ARID5B: variants seen among roughly 807,000 people sequenced by gnomAD.
ARID5B encodes AT-rich interaction domain 5B, also known as AT-rich interactive domain-containing protein 5B.
In ARID5B, 13 loss-of-function variants were observed where a neutral mutation model predicts 97.2. The ratio of observed to expected loss-of-function variants is 0.13; its 90% CI spans 0.09 to 0.21. ARID5B has a LOEUF of 0.21. ARID5B is among the 10% of genes least tolerant of loss of function. The pLI is 1.00. For synonymous variants in ARID5B, 556 were observed against 570.3 expected, an observed-to-expected ratio of 0.97 and a Z score of 0.36; for missense variants, 1,210 against 1,465.3, an observed-to-expected ratio of 0.83 and a Z score of 2.84.
chr10:61,920,761 C>T (rs1172192144), intron 2 of ARID5B, among the ~76,000 whole-genome samples: 1 of 151,994 alleles, frequency 6.6e-6, no homozygotes, highest in African/African-American at 2.4e-5. Context: ...CAATTAAATT[C>T]AATCAATATT....
At position 62,093,994 on chromosome 10, in the gene ARID5B, T is replaced by C. The variant is rs998352844; in HGVS notation, c.*964T>C. 8.6e-6 allele frequency: 2 copies of C among 233,570 alleles called. No homozygotes were observed. The highest frequency in any genetic ancestry group is 1.7e-5 in the Non-Finnish European group (2 of 118,044). The allele number at this position is 233,570 out of a possible 1,614,324, so 14.5% of individuals were successfully genotyped here. Reference sequence around the variant, plus strand: ...AGCCAAATGCTTTGCTTTGAAGTATTGGGTTCTGTGAAAATATTGAGCATT... The same window carrying C: ...AGCCAAATGCTTTGCTTTGAAGTATCGGGTTCTGTGAAAATATTGAGCATT... On this transcript the variant is annotated 3_prime_UTR_variant, in exon 10 of 10. Transcript: ENST00000279873.
In ARID5B at chr10:61,996,477, C is replaced by A. The variant is rs575783831; in HGVS notation, c.503-3614C>A. Among the ~76,000 whole-genome samples the A allele has an allele frequency of 2.8e-4, 42 of 152,060 alleles. No individual in the cohort carries two copies. The South Asian group carries it at 5.4e-3, about 20-fold the overall frequency. ...GGCAGAGGTAGGAGGATTGCTTGGGCCCAGGAGTTTTGGGTCCAGCCTGAA... is the reference window on the plus strand; with the variant it reads ...GGCAGAGGTAGGAGGATTGCTTGGGACCAGGAGTTTTGGGTCCAGCCTGAA... On this transcript the variant is annotated intron_variant, in intron 3 of 9. Transcript: ENST00000279873.
chr10:62,082,172 A>C (rs1445765953), intron 8 of ARID5B, among the ~76,000 whole-genome samples: 1 of 152,200 alleles, frequency 6.6e-6, no homozygotes, highest in African/African-American at 2.4e-5. Context: ...ATGCTGCTAC[A>C]AATCTTATGC....
chr10:61,975,714 C>T (rs1038789662), intron 3 of ARID5B, among the ~76,000 whole-genome samples: 5 of 152,172 alleles, frequency 3.3e-5, no homozygotes, highest in East Asian at 1.9e-4. Context: ...CATTGCATTA[C>T]TCTTACACTG....
At chr10:61,963,331 AG>A (rs1306133745) in intron 3 of ARID5B, among the ~76,000 whole-genome samples, 9 of 152,136 alleles carry the variant, frequency 5.9e-5, no homozygotes, top group Non-Finnish European at 1.5e-5. Context: ...GATTCTAAAA[AG>A]GAAAACATTA....
intron 3 of ARID5B, among the ~76,000 whole-genome samples, chr10:61,996,863 A>C (rs1220059970): frequency 6.7e-6 from 1 of 149,484 alleles, no homozygotes; most frequent in African/African-American, 2.5e-5. Flanking sequence ...AGAAATAAGA[A>C]TTTTTTAAAA....
At chr10:61,938,884 A>G (rs1589226744) in intron 2 of ARID5B, among the ~76,000 whole-genome samples, 2 of 35,318 alleles carry the variant, frequency 5.7e-5, no homozygotes, top group African/African-American at 1.3e-4. Flanking sequence ...AAAACATCAG[A>G]AAAAAAAAAA....
Position 61,925,792 on chromosome 10 carries a change from A to C in ARID5B, c.277-14391A>C, listed in dbSNP as rs559809771. 5.3e-5 allele frequency among the ~76,000 whole-genome samples: 8 copies of C among 152,310 alleles called. No homozygotes were observed. In the South Asian group the frequency reaches 1.7e-3, roughly 32 times the overall value. ...AGTGTGTATTAAAAATGTATTTAGGAACATAAAATATTTAGGATTTTTGAA... is the reference window on the plus strand; with the variant it reads ...AGTGTGTATTAAAAATGTATTTAGGCACATAAAATATTTAGGATTTTTGAA... On this transcript the variant is annotated intron_variant, in intron 2 of 9. Coordinates refer to ENST00000279873, the MANE Select transcript of ARID5B (RefSeq NM_032199.3).
intron 2 of ARID5B, among the ~76,000 whole-genome samples, chr10:61,930,699 G>A (rs913502250): frequency 1.1e-4 from 15 of 130,658 alleles, no homozygotes; most frequent in Admixed American, 7.7e-4. Context: ...CAGCCTGGGC[G>A]ACAGAGCGAG....
intron 3 of ARID5B, among the ~76,000 whole-genome samples, chr10:61,967,601 A>T (rs1247672424): frequency 6.6e-6 from 1 of 152,218 alleles, no homozygotes; most frequent in African/African-American, 2.4e-5. Context: ...TGACAAGTGG[A>T]GCTGGTTGAT....
chr10:61,943,877 T>TA (rs1431158548), intron 3 of ARID5B, among the ~76,000 whole-genome samples: 2 of 152,174 alleles, frequency 1.3e-5, no homozygotes, highest in South Asian at 2.1e-4. Context: ...ATTTTTTTTT[T>TA]ATCCCCTTCC....
At position 62,081,639 on chromosome 10, in the gene ARID5B, G is replaced by T. The variant is rs189728607; in HGVS notation, c.1200-4063G>T. Among the ~76,000 whole-genome samples the T allele has an allele frequency of 5.8e-3, 886 of 152,300 alleles. 7 individuals are homozygous for T. The highest frequency in any genetic ancestry group is 9.3e-3 in the Non-Finnish European group (631 of 68,020). On this transcript the variant is annotated intron_variant, in intron 8 of 9. Transcript: ENST00000279873. ...CTGCTGGTTTTTGTTGAGAAAGAGA[G>T]GCAAGGCCCTGGAGGATTTTAGACT...
chr10:61,924,555 G>A (rs891996081), intron 2 of ARID5B, among the ~76,000 whole-genome samples: 2 of 152,138 alleles, frequency 1.3e-5, no homozygotes, highest in African/African-American at 4.8e-5. Context: ...GTACATGTGA[G>A]GATAATAATG....
chr10:61,996,692 T>TA (rs1669619100), intron 3 of ARID5B, among the ~76,000 whole-genome samples: 1 of 152,130 alleles, frequency 6.6e-6, no homozygotes, highest in South Asian at 2.1e-4. Context: ...ATAGCATTAA[T>TA]ACTTGCTTTC....
intron 2 of ARID5B, among the ~76,000 whole-genome samples, chr10:61,927,118 G>C (rs2132778416): frequency 6.6e-6 from 1 of 152,250 alleles, no homozygotes; most frequent in East Asian, 1.9e-4. Context: ...AACATGCACA[G>C]TTACCCACAA....
At chr10:62,027,989 G>A (rs890120135) in intron 4 of ARID5B, among the ~76,000 whole-genome samples, 4 of 152,144 alleles carry the variant, frequency 2.6e-5, no homozygotes, top group African/African-American at 7.2e-5. Flanking sequence ...TCCTGGAAAC[G>A]CCTTGTCCCT....
chr10:62,028,078 C>T (rs1839445206), intron 4 of ARID5B, among the ~76,000 whole-genome samples: 1 of 152,212 alleles, frequency 6.6e-6, no homozygotes, highest in African/African-American at 2.4e-5. Context: ...AGAAAACACA[C>T]TTGATTCTGC....
At chr10:61,967,501 G>A (rs773942896) in intron 3 of ARID5B, among the ~76,000 whole-genome samples, 28 of 152,258 alleles carry the variant, frequency 1.8e-4, no homozygotes, top group Admixed American at 3.3e-4. Flanking sequence ...ACAACACATC[G>A]AACCTGGCTG....
At chr10:61,912,666 TTATA>T (rs35376293) in intron 2 of ARID5B, among the ~76,000 whole-genome samples, 4,889 of 147,328 alleles carry the variant, frequency 0.033, 253 homozygotes, top group African/African-American at 0.11. Context: ...ATATGCATGT[TTATA>T]TATATATATA....
Sources: gnomAD v4.1 joint callset for allele counts (sites outside exome capture counted in the v4.1 genomes callset) on GRCh38, gnomAD v4.1.1 for gene constraint, MANE v1.5 for transcripts, NCBI Gene and HGNC (gene_info 2026-07-23, HGNC 2026-07-21) for gene names.